Variants in ANO10 observed in about 807,000 individuals in gnomAD.
The protein encoded by ANO10 is anoctamin 10, also known as anoctamin-10.
A neutral mutation model predicts 74.7 loss-of-function variants in ANO10; 77 were observed. The observed-to-expected ratio is 1.03, with a 90% confidence interval of 0.86 to 1.25. The LOEUF is 1.25. Ranked by LOEUF, ANO10 falls within the 50% of genes most tolerant of loss-of-function variation. The probability of loss-of-function intolerance (pLI) is 0.00; values close to 1 mark genes in which losing one functional copy is unlikely to be tolerated. For synonymous variants in ANO10, 279 were observed against 284.9 expected (o/e 0.98, Z 0.21); for missense variants, 721 against 778.1 (o/e 0.93, Z 0.87).
chr3:43,474,642 A>G (rs1369229186), intron 11 of ANO10, among the ~76,000 whole-genome samples: 1 of 152,252 alleles, frequency 6.6e-6, no homozygotes, highest in Non-Finnish European at 1.5e-5. Flanking sequence ...TCAAATGTCA[A>G]CTATAATAAA....
chr3:43,500,612 G>A (rs1298401169), intron 11 of ANO10, among the ~76,000 whole-genome samples: 1 of 152,144 alleles, frequency 6.6e-6, no homozygotes, highest in Admixed American at 6.5e-5. Flanking sequence ...GAAATGTGGT[G>A]GTATGATCTC....
chr3:43,580,508 G>C (rs775106408), intron 4 of ANO10, 36 bp from the exon 5 acceptor site: 2 of 1,610,268 alleles, frequency 1.2e-6, no homozygotes, highest in South Asian at 1.1e-5. Context: ...GCATGAAATG[G>C]ACTGGAGATT....
intron 1 of ANO10, among the ~76,000 whole-genome samples, chr3:43,661,477 C>T (rs1364329607): frequency 6.6e-6 from 1 of 152,178 alleles, no homozygotes; most frequent in East Asian, 1.9e-4. Context: ...ATCACTGATG[C>T]TATGAAGAAA....
chr3:43,653,668 A>G (rs1046150876), intron 1 of ANO10, among the ~76,000 whole-genome samples: 5 of 152,228 alleles, frequency 3.3e-5, no homozygotes, highest in Admixed American at 1.3e-4. Context: ...TAAGTCTCTA[A>G]TAATAGGTGA....
intron 12 of ANO10, among the ~76,000 whole-genome samples, chr3:43,415,542 T>C (rs1460642937): frequency 6.6e-6 from 1 of 151,582 alleles, no homozygotes; most frequent in African/African-American, 2.4e-5. Flanking sequence ...TCTTTCTTTC[T>C]TTCTTTTTTT....
chr3:43,443,297 A>T (rs1182490464), intron 11 of ANO10, among the ~76,000 whole-genome samples: 1 of 152,206 alleles, frequency 6.6e-6, no homozygotes, highest in Non-Finnish European at 1.5e-5. Flanking sequence ...TTGCTGAAAA[A>T]ACAACTCACA....
At chr3:43,373,384 T>G (rs1274929471) in intron 12 of ANO10, among the ~76,000 whole-genome samples, 7 of 151,462 alleles carry the variant, frequency 4.6e-5, no homozygotes, top group Non-Finnish European at 1.0e-4. Context: ...GAAAATCAAA[T>G]CCCCATTCCA....
At chr3:43,405,260 C>A (rs2092556312) in intron 12 of ANO10, among the ~76,000 whole-genome samples, 1 of 152,124 alleles carries the variant, frequency 6.6e-6, no homozygotes, top group Admixed American at 6.5e-5. Flanking sequence ...CCCAAGCAAT[C>A]CCATCTGGAG....
chr3:43,551,546 A>T (rs777781692), intron 10 of ANO10: 2 of 457,290 alleles, frequency 4.4e-6, no homozygotes, highest in Non-Finnish European at 8.8e-6. Flanking sequence ...ATGACCTTGC[A>T]ATTCAGCCCT....
At chr3:43,541,436 G>C (rs542888903) in intron 11 of ANO10, among the ~76,000 whole-genome samples, 76 of 152,096 alleles carry the variant, frequency 5.0e-4, no homozygotes, top group Non-Finnish European at 9.1e-4. Context: ...TTTGAACCCA[G>C]AACCTATGTT....
intron 12 of ANO10, among the ~76,000 whole-genome samples, chr3:43,431,713 T>A (rs1449070808): frequency 1.3e-5 from 2 of 151,990 alleles, no homozygotes. Context: ...CACATTCTTA[T>A]CACAAGTCCT....
intron 1 of ANO10, among the ~76,000 whole-genome samples, chr3:43,673,332 G>A (rs1488905373): frequency 1.3e-5 from 2 of 152,180 alleles, no homozygotes; most frequent in East Asian, 3.8e-4. Context: ...TCAGTAAGCC[G>A]TATTCAACTG....
chr3:43,588,204 C>A (rs2081566351), intron 4 of ANO10, among the ~76,000 whole-genome samples: 1 of 152,054 alleles, frequency 6.6e-6, no homozygotes, highest in African/African-American at 2.4e-5. Flanking sequence ...GCCTTACAAG[C>A]TATTTTATGT....
chr3:43,553,207 A>G (rs1035229214), intron 10 of ANO10, among the ~76,000 whole-genome samples: 23 of 152,080 alleles, frequency 1.5e-4, no homozygotes, highest in Non-Finnish European at 2.9e-4. Flanking sequence ...TTCCCCCTAT[A>G]GGTAAGATGT....
At position 43,565,726 on chromosome 3, in the gene ANO10, A is replaced by C; in HGVS notation, c.1220T>G (p.Phe407Cys). ...TGAGGCAAAGCAATTGAGGAAGTTGAACTGCCAAAAAAAAAAAAAAAAAAG... is the reference window on the plus strand; with the variant it reads ...TGAGGCAAAGCAATTGAGGAAGTTGCACTGCCAAAAAAAAAAAAAAAAAAG... The part of the protein sequence containing the change: ...QNHLILKVLV[F>C]NFLNCFASLF... The change falls in exon 8 of 13, where the codon TTC (phenylalanine) becomes TGC (cysteine). Residue 407 changes from phenylalanine (F) to cysteine (C), a missense_variant and splice_region_variant. Coordinates refer to ENST00000292246, the MANE Select transcript of ANO10 (RefSeq NM_018075.5). 1 of 1,545,664 alleles carries C rather than the reference A, an allele frequency of 6.5e-7. No individual in the cohort carries two copies. Among genetic ancestry groups the C allele is most frequent in the Non-Finnish European group, 8.7e-7 (1 of 1,145,538 alleles).
intron 11 of ANO10, among the ~76,000 whole-genome samples, chr3:43,530,216 T>C (rs763377613): frequency 6.6e-6 from 1 of 152,104 alleles, no homozygotes. Context: ...TATAAATTCC[T>C]ATGCACCAAA....
intron 6 of ANO10, 112 bp from the exon 7 acceptor site, chr3:43,574,976 A>C: frequency 3.6e-6 from 3 of 824,490 alleles, no homozygotes; most frequent in Non-Finnish European, 6.3e-6. Context: ...TCAGAGCCTC[A>C]GTCAGTAAAT....
At chr3:43,591,595 A>G (rs2081760831) in intron 4 of ANO10, among the ~76,000 whole-genome samples, 1 of 152,212 alleles carries the variant, frequency 6.6e-6, no homozygotes, top group Non-Finnish European at 1.5e-5. Context: ...AGGTGGTATT[A>G]CACTATTAAA....
At chr3:43,496,452 G>C (rs1376331211) in intron 11 of ANO10, among the ~76,000 whole-genome samples, 1 of 151,550 alleles carries the variant, frequency 6.6e-6, no homozygotes, top group Non-Finnish European at 1.5e-5. Flanking sequence ...TCTTTTTTTT[G>C]AGGCGGGTTC....
Sources: allele counts gnomAD v4.1 joint callset (sites outside exome capture counted in the v4.1 genomes callset), GRCh38; gene constraint gnomAD v4.1.1; transcripts MANE v1.5; gene names NCBI Gene and HGNC (gene_info 2026-07-23, HGNC 2026-07-21).